The following CFAP52 variants were observed in gnomAD, a reference collection of about 807,000 sequenced individuals.
CFAP52 encodes cilia- and flagella-associated protein 52.
Under a neutral mutation model 70.5 loss-of-function variants are expected in CFAP52, and 57 were observed. The observed-to-expected ratio is 0.81, with a 90% CI of 0.65 to 1.01. The LOEUF is 1.01. Ranked by LOEUF, CFAP52 falls within the 50% of genes least tolerant of loss-of-function variation. The pLI is 0.00. For missense variants in CFAP52, 785 were observed against 788.5 expected, an observed-to-expected ratio of 1.00 and a Z score of 0.05; for synonymous variants, 267 against 292.5, an observed-to-expected ratio of 0.91 and a Z score of 0.89.
chr17:9,645,537 C>G, downstream of CFAP52: 8 of 1,094,002 alleles, frequency 7.3e-6, no homozygotes, highest in Non-Finnish European at 9.0e-6. This position sits in a 1 kb window ranked among gnomAD's most constrained non-coding sequence, Gnocchi z 6.8. Context: ...CGCAGGTAGC[C>G]GGCACCAGGA....
At chr17:9,601,430 A>G (rs1343179623) in intron 6 of CFAP52, among the ~76,000 whole-genome samples, 1 of 152,174 alleles carries the variant, frequency 6.6e-6, no homozygotes. Flanking sequence ...AATTTTAAAA[A>G]AAGTACCACA....
chr17:9,578,191 G>A (rs975295880), intron 1 of CFAP52, among the ~76,000 whole-genome samples: 3 of 152,228 alleles, frequency 2.0e-5, no homozygotes, highest in Non-Finnish European at 4.4e-5. Context: ...CATGTGTATT[G>A]AACAAACATT....
intron 7 of CFAP52, among the ~76,000 whole-genome samples, chr17:9,611,641 C>T (rs899746831): frequency 3.3e-5 from 5 of 152,154 alleles, no homozygotes; most frequent in African/African-American, 1.2e-4. Flanking sequence ...GCTGGGATTA[C>T]AGGCATGAAC....
Position 9,638,866 on chromosome 17 carries a change from C to T in CFAP52, c.1575+155C>T, listed in dbSNP as rs1376335938. 7 of 646,194 alleles carry T rather than the reference C, an allele frequency of 1.1e-5. No individual in the cohort carries two copies. The African/African-American group carries it at 1.1e-4, about 10-fold the overall frequency. The allele number at this position is 646,194 out of a possible 1,614,324, so 40.0% of individuals were successfully genotyped here. ...TGCCACTTTGGAAAGGCCATATCAC[C>T]TTCCAGTGTCTTCACTTCCCCACCT... On this transcript the variant is annotated intron_variant, in intron 12 of 13. Coordinates refer to ENST00000352665, the MANE Select transcript of CFAP52 (RefSeq NM_145054.5).
intron 8 of CFAP52, among the ~76,000 whole-genome samples, chr17:9,623,280 A>G (rs939381077): frequency 5.9e-5 from 9 of 152,140 alleles, no homozygotes; most frequent in Non-Finnish European, 1.2e-4. Context: ...TCTTAGCATG[A>G]TATATCTTTT....
intron 6 of CFAP52, 132 bp downstream of exon 6, chr17:9,600,315 C>A: frequency 1.3e-6 from 1 of 773,128 alleles, no homozygotes; most frequent in Non-Finnish European, 2.2e-6. Flanking sequence ...GATCTTGGCT[C>A]ACTGCAACTT....
chr17:9,636,239 GAAAGAAAGAAAGAGAA>G lies in CFAP52; in HGVS notation c.1472+685_1472+700del, dbSNP rs1271000709. On this transcript the variant is annotated intron_variant, in intron 11 of 13. Transcript: ENST00000352665. ...AGAAAGAAAGAAAGAAAGAAAGAAA[GAAAGAAAGAAAGAGAA>G]AGAAAAATAACTAATGCAGGCAGTG... Among the ~76,000 whole-genome samples, 75 of 138,594 alleles carry G rather than the reference GAAAGAAAGAAAGAGAA, an allele frequency of 5.4e-4. 1 individual carries two copies. The highest frequency in any genetic ancestry group is 1.9e-3 in the African/African-American group (67 of 35,426). 90.9% of individuals were successfully genotyped at this position (138,594 alleles called of 152,430 possible).
At chr17:9,591,706 C>T (rs1411656266) in intron 3 of CFAP52, among the ~76,000 whole-genome samples, 1 of 152,034 alleles carries the variant, frequency 6.6e-6, no homozygotes, top group African/African-American at 2.4e-5. Flanking sequence ...TAGGGAGACC[C>T]CTGTTTCCAC....
At chr17:9,579,650 C>T (rs1305635338) in intron 1 of CFAP52, among the ~76,000 whole-genome samples, 1 of 152,218 alleles carries the variant, frequency 6.6e-6, no homozygotes, top group African/African-American at 2.4e-5. Context: ...TCACTGCAAC[C>T]TCTGCCTCAT....
At chr17:9,579,182 T>C (rs1311240476) in intron 1 of CFAP52, among the ~76,000 whole-genome samples, 1 of 152,146 alleles carries the variant, frequency 6.6e-6, no homozygotes, top group Admixed American at 6.6e-5. Context: ...CTGAAAAATG[T>C]TTATTTTAAA....
intron 9 of CFAP52, among the ~76,000 whole-genome samples, chr17:9,629,646 C>T (rs575825704): frequency 1.5e-4 from 22 of 151,146 alleles, no homozygotes; most frequent in Admixed American, 1.4e-3. Context: ...CTCCCGTGTT[C>T]AAGCAATTCT....
At chr17:9,600,542 C>A (rs983061138) in intron 6 of CFAP52, among the ~76,000 whole-genome samples, 1 of 152,116 alleles carries the variant, frequency 6.6e-6, no homozygotes, top group African/African-American at 2.4e-5. Flanking sequence ...CATGCCCGGA[C>A]AAAGCACACA....
chr17:9,645,383 C>G (rs1232059481), downstream of CFAP52: 2 of 265,196 alleles, frequency 7.5e-6, no homozygotes, highest in African/African-American at 4.5e-5. The surrounding 1 kb of genome is among the most constrained non-coding windows in gnomAD (Gnocchi z 6.8). Context: ...GACTCCCAGT[C>G]AGCGCAGCGG....
intron 7 of CFAP52, 144 bp downstream of exon 7, chr17:9,608,363 C>T: frequency 1.6e-6 from 1 of 634,960 alleles, no homozygotes; most frequent in Non-Finnish European, 2.5e-6. Flanking sequence ...GTTGGAATCA[C>T]AATAGATGGT....
chr17:9,635,732 G>T (rs926121779), intron 11 of CFAP52, among the ~76,000 whole-genome samples, 176 bp downstream of exon 11: 3 of 152,194 alleles, frequency 2.0e-5, no homozygotes, highest in Non-Finnish European at 4.4e-5. Context: ...CGATGCTAGT[G>T]GGGAGGGTTA....
intron 4 of CFAP52, among the ~76,000 whole-genome samples, chr17:9,597,874 AAAG>A (rs1909090109): frequency 6.6e-6 from 1 of 151,834 alleles, no homozygotes; most frequent in Non-Finnish European, 1.5e-5. Context: ...AGAAAGAAAG[AAAG>A]AAAAGAAAAA....
chr17:9,636,390 G>C (rs1045366549), intron 11 of CFAP52, among the ~76,000 whole-genome samples: 1 of 152,048 alleles, frequency 6.6e-6, no homozygotes, highest in South Asian at 2.1e-4. Context: ...CTGCATTCCC[G>C]GGGACCTCTT....
At chr17:9,614,646 A>G (rs1909840046) in intron 8 of CFAP52, among the ~76,000 whole-genome samples, 2 of 152,348 alleles carry the variant, frequency 1.3e-5, no homozygotes, top group African/African-American at 4.8e-5. Flanking sequence ...ACTTCTGGGA[A>G]AAATTGAATT....
Position 9,583,201 on chromosome 17 carries a change from G to A in CFAP52, c.71-2572G>A, listed in dbSNP as rs766670022. Among the ~76,000 whole-genome samples, 180 of 151,916 alleles carry A rather than the reference G, an allele frequency of 1.2e-3. 1 individual carries two copies. The highest frequency in any genetic ancestry group is 2.6e-3 in the Admixed American group (40 of 15,258). On this transcript the variant is annotated intron_variant, in intron 1 of 13. Transcript: ENST00000352665. The stretch of plus-strand genomic sequence containing the variant: ...AGAAAACTATAAAAAATTTTTAGTA[G>A]GAATAGATCACCCTAAAGACATAAA...
Sources: gnomAD v4.1 joint callset for allele counts (sites outside exome capture counted in the v4.1 genomes callset) on GRCh38, gnomAD v4.1.1 for gene constraint, Gnocchi (gnomAD v3.1) non-coding constraint, MANE v1.5 for transcripts, NCBI Gene and HGNC (gene_info 2026-07-23, HGNC 2026-07-21) for gene names.